The following MAPRE2 variants were observed in gnomAD, a reference collection of about 807,000 sequenced individuals.
MAPRE2 encodes the protein microtubule associated protein RP/EB family member 2, also known as microtubule-associated protein RP/EB family member 2.
A neutral mutation model predicts 43.2 loss-of-function variants in MAPRE2; 13 were observed. The observed-to-expected ratio is 0.30, with a 90% CI of 0.20 to 0.48. MAPRE2 has a LOEUF of 0.48. Ranked by LOEUF, MAPRE2 falls within the 20% of genes least tolerant of loss-of-function variation. The pLI is 0.99. For missense variants in MAPRE2, 161 were observed against 400.2 expected, an observed-to-expected ratio of 0.40 and a Z score of 5.10; for synonymous variants, 135 against 148.8, an observed-to-expected ratio of 0.91 and a Z score of 0.68.
intron 2 of MAPRE2, among the ~76,000 whole-genome samples, chr18:35,025,767 A>G (rs558130100): frequency 2.0e-5 from 3 of 152,346 alleles, no homozygotes; most frequent in Admixed American, 2.0e-4. Context: ...CAGATGTAGT[A>G]ATAGATTCTT....
At chr18:35,116,099 C>T (rs982577710) in intron 4 of MAPRE2, among the ~76,000 whole-genome samples, 2 of 152,210 alleles carry the variant, frequency 1.3e-5, no homozygotes, top group Non-Finnish European at 2.9e-5. Flanking sequence ...GTAATAGAGG[C>T]GAGTTCCTTC....
intron 6 of MAPRE2, 32 bp downstream of exon 6, chr18:35,132,222 C>T (rs749299716): frequency 1.9e-6 from 3 of 1,606,038 alleles, no homozygotes; most frequent in African/African-American, 2.7e-5. Context: ...CTCCTGTGTT[C>T]TAAAATGACT....
intron 1 of MAPRE2, among the ~76,000 whole-genome samples, chr18:34,981,904 AGACG>A (rs1224853558): frequency 4.2e-5 from 3 of 71,542 alleles, no homozygotes; most frequent in African/African-American, 2.0e-4. Flanking sequence ...TTTTTTTTTG[AGACG>A]GAGTCTCACT....
At chr18:34,981,233 C>T (rs1418023964) in intron 1 of MAPRE2, among the ~76,000 whole-genome samples, 1 of 151,946 alleles carries the variant, frequency 6.6e-6, no homozygotes, top group East Asian at 1.9e-4. Flanking sequence ...AATTAGCCAG[C>T]CAAGGTGGCA....
At chr18:35,100,468 T>C (rs1908623538) in intron 3 of MAPRE2, among the ~76,000 whole-genome samples, 1 of 152,174 alleles carries the variant, frequency 6.6e-6, no homozygotes, top group Non-Finnish European at 1.5e-5. Context: ...ATTGGGTATA[T>C]ACCCAAAAGA....
chr18:34,998,772 ATTTTTTTT>A lies in MAPRE2; in HGVS notation c.-69-6699_-69-6692del, dbSNP rs67933808. Among the ~76,000 whole-genome samples the A allele has an allele frequency of 1.7e-3, 157 of 93,738 alleles. 1 individual carries two copies. The highest frequency in any genetic ancestry group is 8.8e-3 in the Middle Eastern group (1 of 114). 61.5% of individuals were successfully genotyped at this position (93,738 alleles called of 152,430 possible). A position where few individuals can be genotyped will look rare whatever the true frequency, so the allele number is the denominator to read the frequency against. Reference sequence around the variant, plus strand: ...GCCACTGAGCCTGGCCGAAGTTGCAATTTTTTTTTTTTTTTTTTTTTTTTTTTTGGACA... The same window carrying A: ...GCCACTGAGCCTGGCCGAAGTTGCAATTTTTTTTTTTTTTTTTTTTGGACA... On this transcript the variant is annotated intron_variant, in intron 1 of 7. Coordinates refer to the MAPRE2 transcript ENST00000413393.
At chr18:35,097,836 A>G (rs1908496521) in intron 3 of MAPRE2, among the ~76,000 whole-genome samples, 1 of 152,224 alleles carries the variant, frequency 6.6e-6, no homozygotes, top group Admixed American at 6.5e-5. Context: ...TTAAAGTGTT[A>G]TTAGTTAAAT....
chr18:34,984,540 T>C (rs2097018030), intron 1 of MAPRE2: 1 of 151,568 alleles, frequency 6.6e-6, no homozygotes, highest in Non-Finnish European at 1.5e-5. Flanking sequence ...TTGTATTTAA[T>C]CCCATCCTAA....
At chr18:35,085,809 G>A (rs1214550033) in intron 2 of MAPRE2, among the ~76,000 whole-genome samples, 3 of 152,188 alleles carry the variant, frequency 2.0e-5, no homozygotes, top group Non-Finnish European at 2.9e-5. Flanking sequence ...TAAGAATACT[G>A]TTGGCTTAGC....
intron 1 of MAPRE2, among the ~76,000 whole-genome samples, chr18:35,053,580 A>G (rs1906060103): frequency 6.6e-6 from 1 of 152,048 alleles, no homozygotes; most frequent in African/African-American, 2.4e-5. Flanking sequence ...TCTGTGGAGA[A>G]GAACCCTATA....
chr18:35,004,151 T>G (rs1261219011), intron 1 of MAPRE2, among the ~76,000 whole-genome samples: 1 of 152,158 alleles, frequency 6.6e-6, no homozygotes, highest in Non-Finnish European at 1.5e-5. Flanking sequence ...TAACTAAACA[T>G]CTCCTTTTTC....
intron 2 of MAPRE2, among the ~76,000 whole-genome samples, chr18:35,090,666 AG>A (rs1908100105): frequency 6.7e-6 from 1 of 150,022 alleles, no homozygotes; most frequent in African/African-American, 2.5e-5. Context: ...TGGGAGGCAG[AG>A]GTTGCAGTGA....
intron 1 of MAPRE2, among the ~76,000 whole-genome samples, chr18:35,044,978 C>T (rs1905548404): frequency 6.6e-6 from 1 of 152,182 alleles, no homozygotes; most frequent in Non-Finnish European, 1.5e-5. Context: ...CTAGCTTGCA[C>T]CTTGATTAGA....
chr18:35,098,807 C>T (rs561094288), intron 3 of MAPRE2, among the ~76,000 whole-genome samples: 2 of 152,294 alleles, frequency 1.3e-5, no homozygotes, highest in South Asian at 4.1e-4. Context: ...TAGTGGGCTC[C>T]ATATCTCTCT....
intron 2 of MAPRE2, among the ~76,000 whole-genome samples, chr18:35,016,259 A>T (rs543766919): frequency 3.9e-5 from 6 of 152,112 alleles, no homozygotes; most frequent in African/African-American, 1.4e-4. Context: ...CTGCAGTGAA[A>T]GTGCAAGTGT....
intron 4 of MAPRE2, among the ~76,000 whole-genome samples, chr18:35,126,054 T>C (rs1047252632): frequency 5.3e-5 from 8 of 152,260 alleles, no homozygotes; most frequent in Non-Finnish European, 8.8e-5. Context: ...TATTTTCTAG[T>C]TCCAGCATTT....
intron 1 of MAPRE2, among the ~76,000 whole-genome samples, chr18:34,985,349 T>TTA (rs1195187003): frequency 2.2e-5 from 1 of 45,058 alleles, no homozygotes; most frequent in African/African-American, 9.8e-5. Context: ...ATATATTATA[T>TTA]TATATATATA....
At chr18:34,993,324 A>G (rs2097024761) in intron 1 of MAPRE2, among the ~76,000 whole-genome samples, 2 of 140,922 alleles carry the variant, frequency 1.4e-5, no homozygotes, top group Non-Finnish European at 3.0e-5. Flanking sequence ...GGTGGTCTAG[A>G]TCTCCTCGGC....
intron 2 of MAPRE2, among the ~76,000 whole-genome samples, chr18:35,008,846 T>C (rs1361157812): frequency 6.6e-6 from 1 of 152,194 alleles, no homozygotes; most frequent in Non-Finnish European, 1.5e-5. Flanking sequence ...TTTATAGTTT[T>C]AGGGTACTAG....
Sources: gnomAD v4.1 joint callset for allele counts (sites outside exome capture counted in the v4.1 genomes callset) on GRCh38, gnomAD v4.1.1 for gene constraint, MANE v1.5 for transcripts, NCBI Gene and HGNC (gene_info 2026-07-23, HGNC 2026-07-21) for gene names.